The following IMPG2 variants were observed in gnomAD, a reference collection of about 807,000 sequenced individuals.
IMPG2 encodes IPM 200.
Under a neutral mutation model 129.2 loss-of-function variants are expected in IMPG2, and 91 were observed. The observed-to-expected ratio is 0.70, with a 90% CI of 0.59 to 0.84. The LOEUF is 0.84. Ranked by LOEUF, IMPG2 falls within the 40% of genes least tolerant of loss-of-function variation. The pLI is 0.00. For missense variants in IMPG2, 1,430 were observed against 1,461.7 expected (o/e 0.98, Z 0.35); for synonymous variants, 510 against 517.7 (o/e 0.99, Z 0.20).
intron 2 of IMPG2, among the ~76,000 whole-genome samples, chr3:101,309,477 T>C (rs1707238388): frequency 6.6e-6 from 1 of 152,182 alleles, no homozygotes; most frequent in Non-Finnish European, 1.5e-5. Flanking sequence ...AGAAGTGCTC[T>C]CTCTCAAGTT....
rs778046769 is a variant in IMPG2, at chr3:101,242,716, A to C, written c.2994T>G (p.Ile998Met). 6.2e-7 allele frequency: 1 copy of C among 1,613,670 alleles called. No individual in the cohort carries two copies. Among genetic ancestry groups the C allele is most frequent in the Non-Finnish European group, 8.5e-7 (1 of 1,179,590 alleles). Residue 998 changes from isoleucine (I) to methionine (M), a missense_variant, in exon 14 of 19, where the codon ATT becomes ATG. Physicochemically the swap from Ile to Met is conservative, Grantham distance 10. Coordinates refer to ENST00000193391, the MANE Select transcript of IMPG2 (RefSeq NM_016247.4). ...ATTCCACATCAAGAGAGTATTTATC[A>C]ATAGCCAAGTTCATGGTATTGTAGG... Reference protein sequence around the residue: ...TTAYNTMNLAIDKYSLDVESG... With the variant: ...TTAYNTMNLAMDKYSLDVESG...
At position 101,226,877 on chromosome 3, in the gene IMPG2, G is replaced by T; in HGVS notation, c.*92C>A. The T allele has an allele frequency of 7.6e-7, 1 of 1,319,278 alleles. No homozygotes were observed. Among genetic ancestry groups the T allele is most frequent in the Non-Finnish European group, 1.1e-6 (1 of 920,326 alleles). 81.7% of individuals were successfully genotyped at this position (1,319,278 alleles called of 1,614,324 possible). On this transcript the variant is annotated 3_prime_UTR_variant, in exon 19 of 19. Transcript: ENST00000193391. ...TTCATAGAAAACTCTTCTTCCAACA[G>T]TGTTTAAAATCCAGGTTAATTATAT...
chr3:101,256,031 G>A (rs1706595090), intron 10 of IMPG2, among the ~76,000 whole-genome samples: 1 of 148,672 alleles, frequency 6.7e-6, no homozygotes, highest in African/African-American at 2.5e-5. Context: ...TGAAAGCAAT[G>A]TAAAGTTTTA....
intron 2 of IMPG2, among the ~76,000 whole-genome samples, chr3:101,309,338 C>A (rs1370379859): frequency 6.6e-6 from 1 of 152,108 alleles, no homozygotes; most frequent in South Asian, 2.1e-4. Context: ...ATATCCAAGA[C>A]TGAAGAGTTT....
intron 4 of IMPG2, 48 bp from the exon 5 acceptor site, chr3:101,276,761 GT>G: frequency 7.0e-7 from 1 of 1,424,082 alleles, no homozygotes; most frequent in Non-Finnish European, 9.9e-7. Context: ...ACACATGAGA[GT>G]TTATTTTGGG....
rs780362950 is a variant in IMPG2 at position 101,229,486 on chromosome 3, G to A, written c.3527C>T (p.Pro1176Leu). 2 of 1,613,504 alleles carry A rather than the reference G, an allele frequency of 1.2e-6. No homozygotes were observed. Among genetic ancestry groups the A allele is most frequent in the South Asian group, 1.1e-5 (1 of 91,032 alleles). Residue 1176 changes from proline (P) to leucine (L), a missense_variant, in exon 17 of 19, where the codon CCC (proline) becomes CTC (leucine). Coordinates refer to ENST00000193391, the MANE Select transcript of IMPG2 (RefSeq NM_016247.4). The part of the protein sequence containing the change: ...HRAGCEKYEG[P>L]YPQHPFYSSA... ...GCTGTAGAAGGGATGCTGAGGATAG[G>A]GTCCCTCATACTTCTCACATCCAGC...
At chr3:101,303,287 C>G (rs1473533783) in intron 3 of IMPG2, among the ~76,000 whole-genome samples, 1 of 152,116 alleles carries the variant, frequency 6.6e-6, no homozygotes, top group Non-Finnish European at 1.5e-5. Context: ...ATGACATAAT[C>G]CTTGCCTTTT....
chr3:101,222,927 A>T lies in IMPG2; in HGVS notation c.*4042T>A, dbSNP rs950893698. 2.0e-5 allele frequency: 3 copies of T among 152,230 alleles called. No homozygotes were observed. Among genetic ancestry groups the T allele is most frequent in the Admixed American group, 2.0e-4 (3 of 15,276 alleles). The allele number at this position is 152,230 out of a possible 1,614,324, so 9.4% of individuals were successfully genotyped here. A position where few individuals can be genotyped will look rare whatever the true frequency, so the allele number is the denominator to read the frequency against. ...TAAAGAAGTAATTAAACATGAGAAT[A>T]AAAACACCAGGATGAGGAATCATTT... On this transcript the variant is annotated 3_prime_UTR_variant, in exon 19 of 19. Coordinates refer to ENST00000193391, the MANE Select transcript of IMPG2 (RefSeq NM_016247.4).
chr3:101,278,053 G>A (rs1212046715), intron 4 of IMPG2, among the ~76,000 whole-genome samples: 1 of 152,094 alleles, frequency 6.6e-6, no homozygotes, highest in Non-Finnish European at 1.5e-5. Context: ...TGGCCAACAT[G>A]GTGAAACCCC....
intron 3 of IMPG2, among the ~76,000 whole-genome samples, chr3:101,298,795 T>C (rs1707109364): frequency 6.6e-6 from 1 of 152,226 alleles, no homozygotes; most frequent in Non-Finnish European, 1.5e-5. Flanking sequence ...CTCCCCTCTG[T>C]TGGCAACCCT....
intron 3 of IMPG2, among the ~76,000 whole-genome samples, chr3:101,293,996 C>T (rs1707050708): frequency 6.6e-6 from 1 of 152,168 alleles, no homozygotes; most frequent in African/African-American, 2.4e-5. Flanking sequence ...AAAACTTTCT[C>T]CATATCAGCA....
At position 101,224,745 on chromosome 3, in the gene IMPG2, G is replaced by T. The variant is rs187323753; in HGVS notation, c.*2224C>A. On this transcript the variant is annotated 3_prime_UTR_variant, in exon 19 of 19. Transcript: ENST00000193391. ...TTGTATTCCTCAACTGAGGCCTCCT[G>T]TTCTTTCCCTGATAGTTGAGGGGCT... 22 of 152,358 alleles carry T rather than the reference G, an allele frequency of 1.4e-4. No individual in the cohort carries two copies. Among genetic ancestry groups the T allele is most frequent in the Admixed American group, 9.8e-4 (15 of 15,302 alleles). 9.4% of individuals were successfully genotyped at this position (152,358 alleles called of 1,614,324 possible). A position where few individuals can be genotyped will look rare whatever the true frequency, so the allele number is the denominator to read the frequency against.
intron 14 of IMPG2, among the ~76,000 whole-genome samples, chr3:101,235,170 G>A (rs1482746509): frequency 6.6e-6 from 1 of 152,212 alleles, no homozygotes; most frequent in African/African-American, 2.4e-5. Flanking sequence ...ACAATCTGTG[G>A]TTGTTCGGCA....
intron 2 of IMPG2, among the ~76,000 whole-genome samples, chr3:101,315,652 C>A (rs1418772320): frequency 6.6e-6 from 1 of 152,060 alleles, no homozygotes; most frequent in African/African-American, 2.4e-5. Flanking sequence ...AAACCCACAA[C>A]ACTTCTGGTC....
chr3:101,232,625 T>G (rs1046059551), intron 15 of IMPG2, among the ~76,000 whole-genome samples, 156 bp downstream of exon 15: 3 of 152,018 alleles, frequency 2.0e-5, no homozygotes, highest in Admixed American at 6.6e-5. Flanking sequence ...AAACAACTCA[T>G]CCTCACATGA....
chr3:101,289,202 T>C (rs1225399744), intron 4 of IMPG2, among the ~76,000 whole-genome samples: 2 of 152,224 alleles, frequency 1.3e-5, no homozygotes, highest in Admixed American at 6.5e-5. Flanking sequence ...TTTATTCATA[T>C]TTTGGATTCC....
At chr3:101,301,892 C>A (rs575083215) in intron 3 of IMPG2, among the ~76,000 whole-genome samples, 1 of 152,288 alleles carries the variant, frequency 6.6e-6, no homozygotes, top group African/African-American at 2.4e-5. Context: ...TTCAAAACTG[C>A]CAAATCAGCT....
chr3:101,282,128 T>G (rs1323844818), intron 4 of IMPG2, among the ~76,000 whole-genome samples: 1 of 152,068 alleles, frequency 6.6e-6, no homozygotes, highest in East Asian at 1.9e-4. Context: ...GAAATGGGAG[T>G]TAATGGAGTA....
Position 101,257,581 on chromosome 3 carries a change from C to A in IMPG2, c.1101G>T (p.Leu367Phe). 1 of 1,613,322 alleles carries A rather than the reference C, an allele frequency of 6.2e-7. No individual in the cohort carries two copies. Among genetic ancestry groups the A allele is most frequent in the Non-Finnish European group, 8.5e-7 (1 of 1,179,506 alleles). ...CTGGATTCAAGGAAGAGTTCCCCAGCAAAAAATTCTGCTGCAATGTCTCAG... is the reference window on the plus strand; with the variant it reads ...CTGGATTCAAGGAAGAGTTCCCCAGAAAAAAATTCTGCTGCAATGTCTCAG... ...YIAETLQQNF[L>F]LGNSSLNPDP... is the part of the protein sequence containing the mutation. The change falls in exon 10 of 19, where the codon TTG becomes TTT. Residue 367 changes from leucine to phenylalanine, a missense_variant. Coordinates refer to ENST00000193391, the MANE Select transcript of IMPG2 (RefSeq NM_016247.4).
Sources: gnomAD v4.1 joint callset for allele counts (sites outside exome capture counted in the v4.1 genomes callset) on GRCh38, gnomAD v4.1.1 for gene constraint, MANE v1.5 for transcripts, NCBI Gene and HGNC (gene_info 2026-07-23, HGNC 2026-07-21) for gene names.